Variants in DCHS2 observed in about 807,000 individuals in gnomAD.
DCHS2 encodes the protein dachsous cadherin-related 2.
In DCHS2, 142 loss-of-function variants were observed where a neutral mutation model predicts 182.4. That is an observed-to-expected ratio of 0.78 (90% CI 0.68 to 0.89). The LOEUF (loss-of-function observed/expected upper bound fraction) is 0.89, where lower values mean the gene tolerates loss of function less well. DCHS2 is among the 40% of genes least tolerant of loss of function. The probability of loss-of-function intolerance (pLI) is 0.00; values close to 1 mark genes in which losing one functional copy is unlikely to be tolerated. For missense variants in DCHS2, 4,319 were observed against 4,198.6 expected (o/e 1.03, Z -0.79); for synonymous variants, 1,740 against 1,663.3 (o/e 1.05, Z -1.12).
In DCHS2 at chr4:154,490,260, G is replaced by C; in HGVS notation, c.1096C>G (p.Arg366Gly). 1.3e-6 allele frequency: 2 copies of C among 1,549,036 alleles called. No homozygotes were observed. The highest frequency in any genetic ancestry group is 1.4e-5 in the African/African-American group (1 of 73,148). Residue 366 changes from arginine to glycine, a missense_variant, in exon 1 of 20, where the codon CGA (arginine) becomes GGA (glycine). Coordinates refer to ENST00000357232, the MANE Select transcript of DCHS2 (RefSeq NM_001358235.2). ...FAVEELSGVV[R>G]VWRPLDREAQ... ...TCGCGGTCCAGAGGTCTCCACACTCGCACCACGCCGCTCAGCTCCTCCACC... is the reference window on the plus strand; with the variant it reads ...TCGCGGTCCAGAGGTCTCCACACTCCCACCACGCCGCTCAGCTCCTCCACC...
chr4:154,302,980 CATAT>C (rs945607473), intron 12 of DCHS2, among the ~76,000 whole-genome samples: 1 of 89,464 alleles, frequency 1.1e-5, no homozygotes, highest in Non-Finnish European at 2.2e-5. Context: ...CACACACACA[CATAT>C]TTTTTTTTTT....
chr4:154,446,812 C>T (rs148912618), intron 1 of DCHS2, among the ~76,000 whole-genome samples: 10 of 152,266 alleles, frequency 6.6e-5, no homozygotes, highest in East Asian at 1.9e-4. Context: ...AGTTGCTCTT[C>T]GACCTATTCA....
At chr4:154,331,599 G>C in intron 5 of DCHS2, 1 of 1,612,308 alleles carries the variant, frequency 6.2e-7, no homozygotes, top group East Asian at 2.2e-5. Context: ...CTAATTCACA[G>C]AACAGAGACT....
At chr4:154,394,262 C>T (rs945341953) in intron 1 of DCHS2, among the ~76,000 whole-genome samples, 3 of 152,260 alleles carry the variant, frequency 2.0e-5, no homozygotes, top group African/African-American at 7.2e-5. Context: ...ATGCAATGCA[C>T]TTAAATCAGC....
At chr4:154,348,395 T>G (rs17031476) in intron 3 of DCHS2, among the ~76,000 whole-genome samples, 3,467 of 151,986 alleles carry the variant, frequency 0.023, 174 homozygotes, top group South Asian at 0.21. Flanking sequence ...TGGCAATAAT[T>G]GAGAAAAGAA....
intron 10 of DCHS2, among the ~76,000 whole-genome samples, chr4:154,307,623 T>C (rs1735499437): frequency 6.6e-6 from 1 of 152,204 alleles, no homozygotes; most frequent in Admixed American, 6.5e-5. Flanking sequence ...TCCTGGGGCT[T>C]TCTGCCAAAG....
chr4:154,303,547 T>C (rs967704546), intron 12 of DCHS2, among the ~76,000 whole-genome samples: 1 of 139,688 alleles, frequency 7.2e-6, no homozygotes, highest in Non-Finnish European at 1.5e-5. Flanking sequence ...ACCCAGACCA[T>C]GATGGGGGAG....
chr4:154,428,786 C>T (rs373708743), intron 1 of DCHS2, among the ~76,000 whole-genome samples: 41 of 151,802 alleles, frequency 2.7e-4, no homozygotes, highest in African/African-American at 9.2e-4. Context: ...GCCTGTAATC[C>T]CAGCTACTCA....
At chr4:154,356,492 T>C (rs1056688187) in intron 3 of DCHS2, among the ~76,000 whole-genome samples, 2 of 152,214 alleles carry the variant, frequency 1.3e-5, no homozygotes, top group African/African-American at 2.4e-5. Context: ...TCCTACATCT[T>C]CACATTAATT....
chr4:154,314,170 G>C (rs981547034), intron 10 of DCHS2, among the ~76,000 whole-genome samples: 1 of 152,112 alleles, frequency 6.6e-6, no homozygotes, highest in African/African-American at 2.4e-5. Flanking sequence ...ATACCTTACT[G>C]TTTGCAAAAT....
chr4:154,345,241 G>A (rs1271441737), intron 3 of DCHS2, among the ~76,000 whole-genome samples: 2 of 152,150 alleles, frequency 1.3e-5, no homozygotes, highest in African/African-American at 4.8e-5. Context: ...CCAGCCTAGG[G>A]GTGATAGTTG....
At chr4:154,476,415 C>T (rs1460306611) in intron 1 of DCHS2, among the ~76,000 whole-genome samples, 1 of 152,246 alleles carries the variant, frequency 6.6e-6, no homozygotes, top group East Asian at 1.9e-4. Flanking sequence ...GAAATTACAA[C>T]ACAAAAAGGG....
intron 5 of DCHS2, 104 bp from the exon 6 acceptor site, chr4:154,329,814 A>C: frequency 4.8e-6 from 5 of 1,046,610 alleles, no homozygotes; most frequent in Non-Finnish European, 6.8e-6. Flanking sequence ...TTGAGCAAAT[A>C]TGCGACTTCT....
intron 14 of DCHS2, among the ~76,000 whole-genome samples, chr4:154,259,969 C>T (rs1732901925): frequency 1.3e-5 from 2 of 152,038 alleles, no homozygotes; most frequent in Admixed American, 1.3e-4. Flanking sequence ...GTTACAGGAA[C>T]CCGCCACCAT....
intron 1 of DCHS2, among the ~76,000 whole-genome samples, chr4:154,463,621 T>C (rs1735108251): frequency 6.6e-6 from 1 of 152,040 alleles, no homozygotes; most frequent in Admixed American, 6.6e-5. Context: ...ATGTATCCCT[T>C]AAGTCTTAGT....
At chr4:154,459,055 T>C (rs1054697104) in intron 1 of DCHS2, among the ~76,000 whole-genome samples, 4 of 152,198 alleles carry the variant, frequency 2.6e-5, no homozygotes, top group Non-Finnish European at 5.9e-5. Context: ...TCCAAGAAGA[T>C]AATGTCTTTG....
rs181006176 is a variant in DCHS2 at position 154,491,035 on chromosome 4, G to C, written c.321C>G (p.Ser107=). The C allele has an allele frequency of 2.6e-6, 4 of 1,550,944 alleles. No homozygotes were observed. Among genetic ancestry groups the C allele is most frequent in the Non-Finnish European group, 2.6e-6 (3 of 1,146,846 alleles). Residue 107 remains serine, a synonymous_variant, in exon 1 of 20, where the codon TCC becomes TCG. Coordinates refer to ENST00000357232, the MANE Select transcript of DCHS2 (RefSeq NM_001358235.2). ...EGSGFFLSED[S]DDSPLLDDFH... ...AGTCGTCCAGCAGCGGGGAGTCATC[G>C]GAGTCCTCCGACAGAAAGAAGCCGC... is the stretch of plus-strand genomic sequence containing the variant.
At chr4:154,428,974 A>C (rs553549995) in intron 1 of DCHS2, among the ~76,000 whole-genome samples, 32 of 42,702 alleles carry the variant, frequency 7.5e-4, no homozygotes, top group African/African-American at 1.1e-3. Flanking sequence ...AGAAGGGGTA[A>C]GTTTAAAAAA....
At chr4:154,401,767 T>C (rs1451388741) in intron 1 of DCHS2, among the ~76,000 whole-genome samples, 1 of 152,062 alleles carries the variant, frequency 6.6e-6, no homozygotes, top group East Asian at 1.9e-4. Context: ...CCAAGGCGGG[T>C]GGATCACTTG....
Sources: allele counts gnomAD v4.1 joint callset (sites outside exome capture counted in the v4.1 genomes callset), GRCh38; gene constraint gnomAD v4.1.1; transcripts MANE v1.5; gene names NCBI Gene and HGNC (gene_info 2026-07-23, HGNC 2026-07-21).